ERC2: variants seen among roughly 807,000 people sequenced by gnomAD.
ERC2 encodes the protein ERC protein 2.
Under a neutral mutation model 114.8 loss-of-function variants are expected in ERC2, and 42 were observed. The observed-to-expected ratio is 0.37, with a 90% CI of 0.29 to 0.47. ERC2 has a LOEUF of 0.47. Ranked by LOEUF, ERC2 falls within the 20% of genes least tolerant of loss-of-function variation. ERC2 has a pLI of 0.99. For missense variants in ERC2, 939 were observed against 1,150.7 expected, an observed-to-expected ratio of 0.82 and a Z score of 2.66; for synonymous variants, 454 against 425.5, an observed-to-expected ratio of 1.07 and a Z score of -0.82.
chr3:55,578,151 C>G (rs1235412871), intron 17 of ERC2, among the ~76,000 whole-genome samples: 1 of 152,248 alleles, frequency 6.6e-6, no homozygotes, highest in Non-Finnish European at 1.5e-5. Flanking sequence ...CTGCAGTGGT[C>G]TACCCACTGG....
At chr3:56,166,236 A>G (rs1219631364) in intron 4 of ERC2, among the ~76,000 whole-genome samples, 1 of 152,038 alleles carries the variant, frequency 6.6e-6, no homozygotes, top group Non-Finnish European at 1.5e-5. Flanking sequence ...TAAAATAAAC[A>G]CAACTTGGTC....
rs1007144378 is a variant in ERC2, at chr3:56,169,407, G to A, written c.1149+4039C>T. ...TGCTAAGTTTGGAGTGAAGCTTTAT[G>A]TGTCATCTCAGTAATTATTATTACT... is the stretch of plus-strand genomic sequence containing the variant. On this transcript the variant is annotated intron_variant, in intron 4 of 17. Transcript: ENST00000288221. Among the ~76,000 whole-genome samples, 18 of 152,136 alleles carry A rather than the reference G, an allele frequency of 1.2e-4. 1 individual carries two copies. Among genetic ancestry groups the A allele is most frequent in the Non-Finnish European group, 2.9e-5 (2 of 68,030 alleles).
intron 13 of ERC2, among the ~76,000 whole-genome samples, chr3:55,910,144 C>A (rs1212817871): frequency 6.6e-6 from 1 of 152,088 alleles, no homozygotes; most frequent in Non-Finnish European, 1.5e-5. Context: ...AATCTCAGCA[C>A]TTTGGGAGGC....
intron 4 of ERC2, among the ~76,000 whole-genome samples, chr3:56,173,145 A>C (rs868612590): frequency 6.6e-6 from 1 of 152,202 alleles, no homozygotes; most frequent in Non-Finnish European, 1.5e-5. Context: ...GTAGTTTAAA[A>C]ATTTTACTTT....
Position 56,204,974 on chromosome 3 carries a change from A to G in ERC2, c.1075-31454T>C, listed in dbSNP as rs144374644. On this transcript the variant is annotated intron_variant, in intron 3 of 17. Transcript: ENST00000288221. ...TGTGTATGTCTGTCTGTCTCATTATAAAGCCACATGCTGGATTTAAGTTGT... is the reference window on the plus strand; with the variant it reads ...TGTGTATGTCTGTCTGTCTCATTATGAAGCCACATGCTGGATTTAAGTTGT... 2.1e-4 allele frequency among the ~76,000 whole-genome samples: 32 copies of G among 151,928 alleles called. 1 individual carries two copies. The East Asian group carries it at 3.3e-3, about 16-fold the overall frequency.
At chr3:56,285,959 G>T (rs1360240034) in intron 3 of ERC2, among the ~76,000 whole-genome samples, 1 of 152,120 alleles carries the variant, frequency 6.6e-6, no homozygotes. Flanking sequence ...CACTTCTCTG[G>T]TGATTCTTAA....
rs184857848 is a variant in ERC2 at position 55,692,289 on chromosome 3, T to G, written c.2847+7089A>C. Reference sequence around the variant, plus strand: ...GCTGGTGCCCCAGGAGGGGCTGCTGTGACTGCTTCATTCTTCTGTTGGACT... The same window carrying G: ...GCTGGTGCCCCAGGAGGGGCTGCTGGGACTGCTTCATTCTTCTGTTGGACT... On this transcript the variant is annotated intron_variant, in intron 16 of 17. Coordinates refer to ENST00000288221, the MANE Select transcript of ERC2 (RefSeq NM_015576.3). Among the ~76,000 whole-genome samples, 312 of 152,288 alleles carry G rather than the reference T, an allele frequency of 2.0e-3. 5 individuals are homozygous for G. Among genetic ancestry groups the G allele is most frequent in the Non-Finnish European group, 2.8e-4 (19 of 68,016 alleles).
At chr3:56,406,667 A>G (rs2060739466) in intron 2 of ERC2, among the ~76,000 whole-genome samples, 1 of 152,176 alleles carries the variant, frequency 6.6e-6, no homozygotes. Flanking sequence ...CTCACACCCT[A>G]CAGTGCCTAG....
Position 56,435,991 on chromosome 3 carries a change from T to C in ERC2, c.-140-844A>G, listed in dbSNP as rs192974636. 1.1e-4 allele frequency among the ~76,000 whole-genome samples: 16 copies of C among 152,318 alleles called. No homozygotes were observed. The East Asian group carries it at 1.7e-3, about 17-fold the overall frequency. On this transcript the variant is annotated intron_variant, in intron 1 of 17. Transcript: ENST00000288221. ...TACAGAAATGGCAAAGGAGAAGAAG[T>C]TCCCATCACGGTTACTGAAGTATAC...
At chr3:56,165,611 G>T (rs2082283425) in intron 4 of ERC2, among the ~76,000 whole-genome samples, 1 of 151,848 alleles carries the variant, frequency 6.6e-6, no homozygotes, top group Non-Finnish European at 1.5e-5. Context: ...TCTACATTTA[G>T]TTATGTGTTA....
At chr3:55,620,625 G>A (rs2059288655) in intron 17 of ERC2, among the ~76,000 whole-genome samples, 1 of 152,310 alleles carries the variant, frequency 6.6e-6, no homozygotes, top group Middle Eastern at 3.4e-3. Context: ...TTGTCACAGT[G>A]TACGGGAGAC....
At chr3:55,880,916 T>C (rs2063086125) in intron 14 of ERC2, among the ~76,000 whole-genome samples, 2 of 152,150 alleles carry the variant, frequency 1.3e-5, no homozygotes, top group Admixed American at 1.3e-4. Context: ...TAGCCTTTTG[T>C]GGGTTAAAAA....
At chr3:55,830,032 C>T (rs1559725056) in intron 14 of ERC2, among the ~76,000 whole-genome samples, 1 of 152,128 alleles carries the variant, frequency 6.6e-6, no homozygotes, top group Non-Finnish European at 1.5e-5. Context: ...CCAAATCAAA[C>T]TGCTAAAAAC....
Position 55,790,655 on chromosome 3 carries a change from T to A in ERC2, c.2565-55737A>T, listed in dbSNP as rs755876313. 6.0e-4 allele frequency among the ~76,000 whole-genome samples: 92 copies of A among 152,336 alleles called. No homozygotes were observed. In the Middle Eastern group the frequency reaches 0.01, roughly 17 times the overall value. On this transcript the variant is annotated intron_variant, in intron 14 of 17. Transcript: ENST00000288221. ...TCCAGATAAGCTACTTGTATTCAAA[T>A]CCTTGTCTGAAGGCCAACTTCTGGG...
intron 1 of ERC2, among the ~76,000 whole-genome samples, chr3:56,443,659 C>CTTT (rs534626974): frequency 7.0e-6 from 1 of 143,792 alleles, no homozygotes; most frequent in East Asian, 2.0e-4. Context: ...GACACTTGGG[C>CTTT]TTTTTTTTTT....
At chr3:56,387,106 A>T (rs941975348) in intron 2 of ERC2, among the ~76,000 whole-genome samples, 5 of 152,220 alleles carry the variant, frequency 3.3e-5, no homozygotes, top group African/African-American at 9.6e-5. Context: ...GAAGTGCACT[A>T]ATCTATAAGA....
chr3:55,644,490 G>A (rs917630065), intron 17 of ERC2, among the ~76,000 whole-genome samples: 3 of 152,088 alleles, frequency 2.0e-5, no homozygotes, highest in Non-Finnish European at 4.4e-5. Flanking sequence ...CCTTGGGCAA[G>A]TCACCTAACT....
At chr3:56,255,961 G>A (rs1225799480) in intron 3 of ERC2, among the ~76,000 whole-genome samples, 3 of 152,326 alleles carry the variant, frequency 2.0e-5, no homozygotes, top group Non-Finnish European at 4.4e-5. Context: ...TACATGGTAA[G>A]CTCATTACAG....
chr3:56,258,814 G>A (rs1229464306), intron 3 of ERC2, among the ~76,000 whole-genome samples: 3 of 152,172 alleles, frequency 2.0e-5, no homozygotes, highest in Non-Finnish European at 4.4e-5. Flanking sequence ...GTATCATAGA[G>A]AGTGCCCCAA....
Sources: allele counts gnomAD v4.1 joint callset (sites outside exome capture counted in the v4.1 genomes callset), GRCh38; gene constraint gnomAD v4.1.1; transcripts MANE v1.5; gene names NCBI Gene and HGNC (gene_info 2026-07-23, HGNC 2026-07-21).